The following DCC variants were observed in gnomAD, a reference collection of about 807,000 sequenced individuals.
The protein encoded by DCC is netrin receptor DCC.
DCC carries 58 observed loss-of-function variants against 172.5 expected under a neutral mutation model. That is an observed-to-expected ratio of 0.34 (90% CI 0.27 to 0.42). DCC has a LOEUF of 0.42. Among genes scored for constraint, DCC ranks in the 10% least tolerant of loss-of-function variants. DCC has a pLI of 1.00. For synonymous variants in DCC, 709 were observed against 644.5 expected, an observed-to-expected ratio of 1.10 and a Z score of -1.52; for missense variants, 1,740 against 1,791.0, an observed-to-expected ratio of 0.97 and a Z score of 0.51.
At chr18:53,417,009 T>C (rs889824634) in intron 21 of DCC, among the ~76,000 whole-genome samples, 2 of 152,230 alleles carry the variant, frequency 1.3e-5, no homozygotes, top group African/African-American at 4.8e-5. Context: ...TAGTCAGTGC[T>C]GTCAGTATTT....
intron 1 of DCC, among the ~76,000 whole-genome samples, chr18:52,671,551 T>G (rs1268637620): frequency 2.0e-5 from 3 of 150,516 alleles, no homozygotes; most frequent in Non-Finnish European, 4.4e-5. Context: ...TTTTTTTTTT[T>G]TTGAGATACA....
chr18:52,676,685 AC>A (rs2035651549), intron 1 of DCC, among the ~76,000 whole-genome samples: 1 of 152,186 alleles, frequency 6.6e-6, no homozygotes, highest in African/African-American at 2.4e-5. Flanking sequence ...TTGGAACCAG[AC>A]ATCACCCTGT....
chr18:52,454,797 T>G (rs1185257447), intron 1 of DCC, among the ~76,000 whole-genome samples: 2 of 152,184 alleles, frequency 1.3e-5, no homozygotes, highest in Non-Finnish European at 2.9e-5. Context: ...ACTTTGACAC[T>G]AACTCCCACC....
At chr18:52,934,428 A>G (rs1268489691) in intron 5 of DCC, among the ~76,000 whole-genome samples, 2 of 152,146 alleles carry the variant, frequency 1.3e-5, no homozygotes, top group East Asian at 3.9e-4. Flanking sequence ...ATAGGGAGAA[A>G]CTTAAAAACA....
In DCC at chr18:53,418,216, G is replaced by C. The variant is rs73461186; in HGVS notation, c.3163+2060G>C. On this transcript the variant is annotated intron_variant, in intron 21 of 28. Transcript: ENST00000442544. ...TCAATTCACTTATAAAATTGAGAGG[G>C]ACTGATGACATATAATTTAGTGGTT... 2.2e-3 allele frequency among the ~76,000 whole-genome samples: 332 copies of C among 152,188 alleles called. 3 individuals are homozygous for C. Among genetic ancestry groups the C allele is most frequent in the African/African-American group, 7.7e-3 (318 of 41,536 alleles).
intron 1 of DCC, among the ~76,000 whole-genome samples, chr18:52,578,553 C>A (rs1017526927): frequency 6.6e-6 from 1 of 152,178 alleles, no homozygotes; most frequent in African/African-American, 2.4e-5. Context: ...TGATGTCCAG[C>A]ATTACTTTCT....
intron 12 of DCC, among the ~76,000 whole-genome samples, chr18:53,300,519 T>C (rs945907192): frequency 1.3e-5 from 2 of 152,194 alleles, no homozygotes; most frequent in Non-Finnish European, 2.9e-5. Context: ...ATCTGCCTTA[T>C]TTCTCGCATT....
intron 1 of DCC, among the ~76,000 whole-genome samples, chr18:52,437,869 T>C (rs1176133545): frequency 6.6e-6 from 1 of 152,214 alleles, no homozygotes; most frequent in East Asian, 1.9e-4. Context: ...CAGTAAATAC[T>C]ATGGTGCCTC....
At chr18:53,487,612 C>A (rs1215881483) in intron 26 of DCC, among the ~76,000 whole-genome samples, 2 of 148,492 alleles carry the variant, frequency 1.3e-5, no homozygotes, top group Non-Finnish European at 1.5e-5. Context: ...CTCAGCAGCT[C>A]ATGTGAGATA....
intron 1 of DCC, among the ~76,000 whole-genome samples, chr18:52,708,118 C>T (rs1357145704): frequency 1.3e-5 from 2 of 152,032 alleles, no homozygotes; most frequent in African/African-American, 2.4e-5. Context: ...TAAACATATA[C>T]AACTTTTATT....
intron 1 of DCC, among the ~76,000 whole-genome samples, chr18:52,406,730 C>G (rs1186901688): frequency 6.6e-6 from 1 of 151,186 alleles, no homozygotes; most frequent in Non-Finnish European, 1.5e-5. Flanking sequence ...TAAAACAAAA[C>G]AAATGTTTTA....
chr18:52,653,996 T>C (rs572183854), intron 1 of DCC, among the ~76,000 whole-genome samples: 1 of 152,348 alleles, frequency 6.6e-6, no homozygotes, highest in African/African-American at 2.4e-5. Flanking sequence ...TGTTACCATT[T>C]TTCCTAGCTT....
At chr18:52,352,116 C>G (rs750740249) in intron 1 of DCC, among the ~76,000 whole-genome samples, 2 of 152,302 alleles carry the variant, frequency 1.3e-5, no homozygotes, top group Admixed American at 6.5e-5. Flanking sequence ...CTTCCCAACT[C>G]TAAATTGGGG....
intron 5 of DCC, among the ~76,000 whole-genome samples, chr18:53,009,199 T>G (rs953655641): frequency 1.3e-5 from 2 of 151,976 alleles, no homozygotes; most frequent in African/African-American, 4.8e-5. Flanking sequence ...TCTTTCTTAT[T>G]TATTTAAAAC....
rs185334641 is a variant in DCC, at chr18:53,271,136, T to G, written c.1912-34442T>G. Among the ~76,000 whole-genome samples the G allele has an allele frequency of 9.8e-5, 15 of 152,300 alleles. No homozygotes were observed. In the East Asian group the frequency reaches 2.5e-3, roughly 25 times the overall value. ...GGTTAAACCCACATATCAGCCTATA[T>G]AATACTAGAGTGTTTTGGTTAATAA... On this transcript the variant is annotated intron_variant, in intron 12 of 28. Coordinates refer to ENST00000442544, the MANE Select transcript of DCC (RefSeq NM_005215.4).
intron 13 of DCC, among the ~76,000 whole-genome samples, chr18:53,312,360 A>AG (rs1568048469): frequency 1.6e-5 from 1 of 61,356 alleles, no homozygotes; most frequent in Non-Finnish European, 3.4e-5. Flanking sequence ...AAAAAAAAAA[A>AG]AAAGAAAAAG....
At chr18:53,252,355 C>T (rs1400940068) in intron 12 of DCC, among the ~76,000 whole-genome samples, 2 of 151,584 alleles carry the variant, frequency 1.3e-5, no homozygotes, top group African/African-American at 4.8e-5. Flanking sequence ...AAAGAATGAC[C>T]CCAAAGAAAG....
chr18:52,901,584 A>G (rs1047556746), intron 2 of DCC, among the ~76,000 whole-genome samples: 1 of 152,246 alleles, frequency 6.6e-6, no homozygotes, highest in Non-Finnish European at 1.5e-5. Flanking sequence ...AAAAGTGTTT[A>G]TAATGGCATA....
intron 5 of DCC, among the ~76,000 whole-genome samples, chr18:52,998,826 G>A (rs1486731938): frequency 6.6e-6 from 1 of 152,076 alleles, no homozygotes; most frequent in Non-Finnish European, 1.5e-5. Flanking sequence ...TTGTGTGTGT[G>A]TGTGTGTTTG....
Sources: gnomAD v4.1 joint callset for allele counts (sites outside exome capture counted in the v4.1 genomes callset) on GRCh38, gnomAD v4.1.1 for gene constraint, MANE v1.5 for transcripts, NCBI Gene and HGNC (gene_info 2026-07-23, HGNC 2026-07-21) for gene names.